The following PCCA variants were observed in gnomAD, a reference collection of about 807,000 sequenced individuals.
PCCA encodes propionyl-CoA carboxylase alpha chain, mitochondrial.
Under a neutral mutation model 101.3 loss-of-function variants are expected in PCCA, and 74 were observed. The observed-to-expected ratio is 0.73, with a 90% confidence interval of 0.61 to 0.89. The LOEUF is 0.89. PCCA is among the 40% of genes least tolerant of loss of function. The pLI is 0.00. For missense variants in PCCA, 891 were observed against 907.0 expected (o/e 0.98, Z 0.23); for synonymous variants, 294 against 313.6 (o/e 0.94, Z 0.66).
At chr13:100,406,656 A>T (rs962735386) in intron 19 of PCCA, among the ~76,000 whole-genome samples, 1 of 152,240 alleles carries the variant, frequency 6.6e-6, no homozygotes, top group African/African-American at 2.4e-5. Flanking sequence ...GTGAGCTGAG[A>T]TCATGCCATT....
chr13:100,495,964 TC>T (rs1483182324), intron 21 of PCCA, among the ~76,000 whole-genome samples: 3 of 131,344 alleles, frequency 2.3e-5, no homozygotes, highest in Middle Eastern at 3.3e-3. Flanking sequence ...TGTATTCCTC[TC>T]TTTCTCTCTC....
intron 9 of PCCA, among the ~76,000 whole-genome samples, chr13:100,259,992 A>G (rs1039633004): frequency 1.3e-5 from 2 of 152,234 alleles, no homozygotes; most frequent in Non-Finnish European, 2.9e-5. Context: ...TGCTTATTTT[A>G]TTTTGGTGAC....
At chr13:100,375,420 C>G (rs964964012) in intron 19 of PCCA, among the ~76,000 whole-genome samples, 5 of 152,050 alleles carry the variant, frequency 3.3e-5, no homozygotes, top group African/African-American at 1.2e-4. Flanking sequence ...CCTGAATATC[C>G]TTGTTAATTT....
chr13:100,518,231 C>CT (rs2086979316), intron 22 of PCCA, among the ~76,000 whole-genome samples: 1 of 152,140 alleles, frequency 6.6e-6, no homozygotes, highest in Non-Finnish European at 1.5e-5. Context: ...TGAAGTAAAA[C>CT]TTGACCAATC....
intron 6 of PCCA, among the ~76,000 whole-genome samples, chr13:100,196,874 G>C (rs1275431993): frequency 6.6e-6 from 1 of 152,108 alleles, no homozygotes; most frequent in Non-Finnish European, 1.5e-5. Context: ...GCTAAATTGG[G>C]TTTTAATTTA....
chr13:100,263,829 G>A (rs1595000084), intron 10 of PCCA, among the ~76,000 whole-genome samples: 2 of 46,490 alleles, frequency 4.3e-5, no homozygotes, highest in Admixed American at 4.9e-4. Context: ...TCATATATAT[G>A]GTATCTGTAT....
At chr13:100,341,282 TCTTCTTTCCCAAATTAAA>T (rs1292938989) in intron 18 of PCCA, among the ~76,000 whole-genome samples, 60 of 152,174 alleles carry the variant, frequency 3.9e-4, no homozygotes, top group Non-Finnish European at 1.0e-4. Context: ...CTGTTTAATA[TCTTCTTTCCCAAATTAAA>T]CTTCTTTCCC....
chr13:100,093,580 T>C (rs2046471047), intron 1 of PCCA, among the ~76,000 whole-genome samples: 1 of 152,086 alleles, frequency 6.6e-6, no homozygotes, highest in Admixed American at 6.5e-5. Flanking sequence ...TTAAAACATA[T>C]TCCCTAACTA....
intron 13 of PCCA, 85 bp from the exon 14 acceptor site, chr13:100,302,839 A>G (rs1238683709): frequency 2.4e-6 from 2 of 817,324 alleles, no homozygotes; most frequent in African/African-American, 1.7e-5. Flanking sequence ...AGACCTATAA[A>G]TGGTTCTTCA....
rs1473521457 is a variant in PCCA, at chr13:100,478,083, G to C, written c.1899+28778G>C. 5.9e-5 allele frequency among the ~76,000 whole-genome samples: 9 copies of C among 152,326 alleles called. No homozygotes were observed. In the East Asian group the frequency reaches 1.7e-3, roughly 29 times the overall value. On this transcript the variant is annotated intron_variant, in intron 21 of 23. Transcript: ENST00000376285. The stretch of plus-strand genomic sequence containing the variant: ...TGTGAACTGCCCTTGGCCTAACTTG[G>C]CCTTGTTAGCTCAGAAGCCCGCAAT...
chr13:100,479,841 G>T (rs1332775328), intron 21 of PCCA: 2 of 127,428 alleles, frequency 1.6e-5, no homozygotes, highest in Non-Finnish European at 3.2e-5. Context: ...GATGGCAAGG[G>T]TCTTTAACTG....
chr13:100,496,033 C>G (rs2085251713), intron 21 of PCCA, among the ~76,000 whole-genome samples: 1 of 152,122 alleles, frequency 6.6e-6, no homozygotes, highest in African/African-American at 2.4e-5. Flanking sequence ...ATCTTCTGAA[C>G]CATTTCAGCA....
intron 8 of PCCA, among the ~76,000 whole-genome samples, chr13:100,249,017 G>T (rs1032922908): frequency 6.6e-6 from 1 of 152,070 alleles, no homozygotes; most frequent in African/African-American, 2.4e-5. Context: ...GCCTCCCAAA[G>T]TGCTGGGATT....
At chr13:100,130,573 G>C (rs540140003) in intron 4 of PCCA, among the ~76,000 whole-genome samples, 2 of 152,230 alleles carry the variant, frequency 1.3e-5, no homozygotes, top group African/African-American at 4.8e-5. Context: ...TTGTTAAGTT[G>C]AGGTACAACT....
At chr13:100,210,880 C>T (rs1246328118) in intron 7 of PCCA, among the ~76,000 whole-genome samples, 1 of 152,198 alleles carries the variant, frequency 6.6e-6, no homozygotes, top group African/African-American at 2.4e-5. Flanking sequence ...CCATATTTAC[C>T]TGCATTTACT....
rs192171304 is a variant in PCCA at position 100,368,574 on chromosome 13, G to C, written c.1746G>C (p.Ser582=). Reference sequence around the variant, plus strand: ...CATCAAACAATGGGTCAGTGTTCTCGGTGAGTTTTCTTTCTTTATTTTCTT... The same window carrying C: ...CATCAAACAATGGGTCAGTGTTCTCCGTGAGTTTTCTTTCTTTATTTTCTT... ...VVASNNGSVF[S]VEVDGSKLNV... The change falls in exon 19 of 24, where the codon TCG becomes TCC. Residue 582 remains serine, a splice_region_variant and synonymous_variant. Transcript: ENST00000376285. The C allele has an allele frequency of 1.3e-6, 2 of 1,571,086 alleles. No homozygotes were observed. Among genetic ancestry groups the C allele is most frequent in the South Asian group, 2.2e-5 (2 of 90,110 alleles).
intron 21 of PCCA, among the ~76,000 whole-genome samples, chr13:100,458,423 GCACACACACA>G (rs143067653): frequency 1.1e-5 from 1 of 89,634 alleles, no homozygotes; most frequent in African/African-American, 6.3e-5. Context: ...ATCTCTGCGC[GCACACACACA>G]CACACATACA....
At chr13:100,186,214 A>G (rs2057253880) in intron 6 of PCCA, among the ~76,000 whole-genome samples, 1 of 152,224 alleles carries the variant, frequency 6.6e-6, no homozygotes, top group Non-Finnish European at 1.5e-5. Flanking sequence ...GGCCAAAAGT[A>G]GAGTAGGGCT....
intron 6 of PCCA, among the ~76,000 whole-genome samples, chr13:100,168,978 C>T (rs1242071992): frequency 9.9e-5 from 15 of 151,982 alleles, no homozygotes; most frequent in Non-Finnish European, 1.3e-4. Context: ...CCAAAACTAC[C>T]GGGTTGAAAG....
Sources: gnomAD v4.1 joint callset for allele counts (sites outside exome capture counted in the v4.1 genomes callset) on GRCh38, gnomAD v4.1.1 for gene constraint, MANE v1.5 for transcripts, NCBI Gene and HGNC (gene_info 2026-07-23, HGNC 2026-07-21) for gene names.